Variants in BACE1 observed in about 807,000 individuals in gnomAD.
BACE1 encodes beta-secretase 1.
In BACE1, 21 loss-of-function variants were observed where a neutral mutation model predicts 54.0. That is an observed-to-expected ratio of 0.39 (90% CI 0.28 to 0.56). BACE1 has a LOEUF of 0.56. BACE1 is among the 20% of genes least tolerant of loss of function. The pLI is 0.63. For synonymous variants in BACE1, 232 were observed against 260.9 expected, an observed-to-expected ratio of 0.89 and a Z score of 1.07; for missense variants, 511 against 661.2, an observed-to-expected ratio of 0.77 and a Z score of 2.49.
rs935943317 is a variant in BACE1, at chr11:117,314,929, C to A, written c.261+606G>T. Reference sequence around the variant, plus strand: ...GGTGGGGGAGGGGCCGGAGTGTAGACCGCGAGAGGGAGAAGGGGAGGAGGA... The same window carrying A: ...GGTGGGGGAGGGGCCGGAGTGTAGAACGCGAGAGGGAGAAGGGGAGGAGGA... On this transcript the variant is annotated intron_variant, in intron 1 of 8. Coordinates refer to ENST00000313005, the MANE Select transcript of BACE1 (RefSeq NM_012104.6). Among the ~76,000 whole-genome samples, 8 of 151,738 alleles carry A rather than the reference C, an allele frequency of 5.3e-5. 1 individual carries two copies. The highest frequency in any genetic ancestry group is 1.2e-4 in the Non-Finnish European group (8 of 67,896).
At chr11:117,299,959 A>G (rs1209992971) in intron 1 of BACE1, among the ~76,000 whole-genome samples, 1 of 151,936 alleles carries the variant, frequency 6.6e-6, no homozygotes, top group Non-Finnish European at 1.5e-5. Context: ...GGCAAGTTCT[A>G]AGCAAATATG....
In BACE1 at chr11:117,305,178, G is replaced by A. The variant is rs1437618627; in HGVS notation, c.262-8217C>T. On this transcript the variant is annotated intron_variant, in intron 1 of 8. Transcript: ENST00000313005. Reference sequence around the variant, plus strand: ...CTGTGGTTCTTAGAGCAGTTATAGTGACTCCAGGCCTCCTTAGTCCCAGAA... The same window carrying A: ...CTGTGGTTCTTAGAGCAGTTATAGTAACTCCAGGCCTCCTTAGTCCCAGAA... Among the ~76,000 whole-genome samples, 6 of 152,226 alleles carry A rather than the reference G, an allele frequency of 3.9e-5. No individual in the cohort carries two copies. In the East Asian group the frequency reaches 1.2e-3, roughly 29 times the overall value.
chr11:117,286,931 T>G lies in BACE1; in HGVS notation c.*2635A>C, dbSNP rs1391208793. The G allele has an allele frequency of 6.6e-6, 1 of 152,598 alleles. No homozygotes were observed. The highest frequency in any genetic ancestry group is 1.5e-5 in the Non-Finnish European group (1 of 68,040). The allele number at this position is 152,598 out of a possible 1,614,324, so 9.5% of individuals were successfully genotyped here. On this transcript the variant is annotated 3_prime_UTR_variant, in exon 9 of 9. Coordinates refer to ENST00000313005, the MANE Select transcript of BACE1 (RefSeq NM_012104.6). ...CTATTGTTCTTTTTGTTTAGGGGAT[T>G]CGTTTTTTATCTTGTAATCTTAAGA...
At chr11:117,295,532 A>G (rs570370284) in intron 2 of BACE1, 185 bp from the exon 3 acceptor site, 374 of 1,535,930 alleles carry the variant, frequency 2.4e-4, no homozygotes, top group Non-Finnish European at 2.8e-4. Context: ...GCTTGCAGAT[A>G]GATGAAGGGA....
chr11:117,299,654 C>T (rs2034678925), intron 1 of BACE1: 1 of 405,410 alleles, frequency 2.5e-6, no homozygotes, highest in Non-Finnish European at 4.9e-6. Context: ...CTACCTCTAC[C>T]CGTGGTCTCT....
intron 1 of BACE1, chr11:117,297,221 C>G (rs2034621983): frequency 2.3e-6 from 1 of 433,060 alleles, no homozygotes; most frequent in African/African-American, 2.1e-5. Context: ...TGAAAAAAGG[C>G]AGATTAGTAG....
At chr11:117,295,577 C>T (rs959999724) in intron 2 of BACE1, 3 of 1,535,634 alleles carry the variant, frequency 2.0e-6, no homozygotes, top group Non-Finnish European at 2.6e-6. Context: ...ATCTATTGCT[C>T]ATATTCCTAG....
chr11:117,299,600 C>T (rs189857576), intron 1 of BACE1: 4 of 364,074 alleles, frequency 1.1e-5, no homozygotes, highest in Non-Finnish European at 2.1e-5. Context: ...TCCCAGCCCC[C>T]CACTCCTGGC....
chr11:117,290,774 G>T, intron 7 of BACE1, 115 bp from the exon 8 acceptor site: 1 of 1,550,510 alleles, frequency 6.4e-7, no homozygotes, highest in Non-Finnish European at 8.7e-7. Flanking sequence ...CGGGTTTTCT[G>T]AGACCCCTTT....
chr11:117,287,832 T>G lies in BACE1; in HGVS notation c.*1734A>C, dbSNP rs2034302713. The G allele has an allele frequency of 6.6e-6, 1 of 152,650 alleles. No individual in the cohort carries two copies. The highest frequency in any genetic ancestry group is 1.5e-5 in the Non-Finnish European group (1 of 68,038). 9.5% of individuals were successfully genotyped at this position (152,650 alleles called of 1,614,324 possible). A position where few individuals can be genotyped will look rare whatever the true frequency, so the allele number is the denominator to read the frequency against. ...AACTGACTCAGTATTCTTGTTTTAT[T>G]GGTTTATGGCTTGTGGGCAGCTGGC... On this transcript the variant is annotated 3_prime_UTR_variant, in exon 9 of 9. Coordinates refer to ENST00000313005, the MANE Select transcript of BACE1 (RefSeq NM_012104.6).
rs777458100 is a variant in BACE1, at chr11:117,295,177, G to A, written c.521C>T (p.Ser174Phe). 1 of 1,614,170 alleles carries A rather than the reference G, an allele frequency of 6.2e-7. No homozygotes were observed. The highest frequency in any genetic ancestry group is 8.5e-7 in the Non-Finnish European group (1 of 1,180,034). The change falls in exon 3 of 9, where the codon TCC becomes TTC. Residue 174 changes from serine (S) to phenylalanine (F), a missense_variant. This residue lies in a region of BACE1 where 407 missense variants were observed against 565.7 expected (regional missense o/e 0.72). Transcript: ENST00000313005. The part of the protein sequence containing the change: ...TESDKFFING[S>F]NWEGILGLAY... The stretch of plus-strand genomic sequence containing the variant: ...CAGCCCCAGGATGCCTTCCCAGTTG[G>A]AGCCGTTGATGAAGAACTTGTCTGA...
intron 1 of BACE1, among the ~76,000 whole-genome samples, chr11:117,305,633 T>C (rs1189439230): frequency 6.6e-6 from 1 of 151,918 alleles, no homozygotes. Flanking sequence ...CTCCGCAGCC[T>C]GTAACCCGGC....
At chr11:117,305,600 C>G (rs557423382) in intron 1 of BACE1, among the ~76,000 whole-genome samples, 2 of 151,964 alleles carry the variant, frequency 1.3e-5, no homozygotes, top group South Asian at 4.2e-4. Context: ...TACCTTTCCC[C>G]CTTTGGATGG....
intron 1 of BACE1, among the ~76,000 whole-genome samples, chr11:117,303,360 G>A (rs1006688741): frequency 6.6e-6 from 1 of 152,174 alleles, no homozygotes; most frequent in South Asian, 2.1e-4. Flanking sequence ...GGCCTCAGAG[G>A]GAAGGCAGCT....
At chr11:117,300,167 C>G (rs2034691418) in intron 1 of BACE1, among the ~76,000 whole-genome samples, 1 of 152,096 alleles carries the variant, frequency 6.6e-6, no homozygotes, top group Admixed American at 6.5e-5. Context: ...GGGGGCCAGG[C>G]CGAGCCCAGG....
In BACE1 at chr11:117,288,796, C is replaced by T. The variant is rs2034332267; in HGVS notation, c.*770G>A. 1 of 152,204 alleles carries T rather than the reference C, an allele frequency of 6.6e-6. No individual in the cohort carries two copies. Among genetic ancestry groups the T allele is most frequent in the African/African-American group, 2.4e-5 (1 of 41,424 alleles). The allele number at this position is 152,204 out of a possible 1,614,324, so 9.4% of individuals were successfully genotyped here. ...GCTCTTTGGCTAGATAAGCCCTTCC[C>T]ATCTCACTTTTGGTCAGGCTGCAAC... is the stretch of plus-strand genomic sequence containing the variant. On this transcript the variant is annotated 3_prime_UTR_variant, in exon 9 of 9. Transcript: ENST00000313005.
At chr11:117,302,435 A>G (rs1465884023) in intron 1 of BACE1, among the ~76,000 whole-genome samples, 1 of 152,164 alleles carries the variant, frequency 6.6e-6, no homozygotes, top group East Asian at 1.9e-4. Flanking sequence ...CACACCAGCC[A>G]TGGTCCCTCT....
intron 1 of BACE1, among the ~76,000 whole-genome samples, chr11:117,304,003 G>A (rs1212197432): frequency 2.0e-5 from 3 of 152,142 alleles, no homozygotes; most frequent in East Asian, 1.9e-4. Flanking sequence ...TGACCTTCCC[G>A]TCTCTCCCAT....
intron 1 of BACE1, among the ~76,000 whole-genome samples, chr11:117,308,725 G>A (rs763438521): frequency 1.2e-4 from 18 of 151,950 alleles, no homozygotes; most frequent in Non-Finnish European, 2.5e-4. Context: ...TGAGGCGGGC[G>A]GTCACTTGAG....
Sources: gnomAD v4.1 joint callset for allele counts (sites outside exome capture counted in the v4.1 genomes callset) on GRCh38, gnomAD v4.1.1 for gene constraint, gnomAD v4.1.1 regional missense constraint, MANE v1.5 for transcripts, NCBI Gene and HGNC (gene_info 2026-07-23, HGNC 2026-07-21) for gene names.